Variants in SLC7A11 observed in about 807,000 individuals in gnomAD.
SLC7A11 encodes the protein cystine/glutamate transporter.
SLC7A11 carries 35 observed loss-of-function variants against 54.5 expected under a neutral mutation model. The ratio of observed to expected loss-of-function variants is 0.64; its 90% CI spans 0.49 to 0.85. The LOEUF (loss-of-function observed/expected upper bound fraction) is 0.85. SLC7A11 is among the 40% of genes least tolerant of loss of function. The pLI is 0.00. For missense variants in SLC7A11, 583 were observed against 618.1 expected (o/e 0.94, Z 0.60); for synonymous variants, 230 against 225.2 (o/e 1.02, Z -0.19).
intron 6 of SLC7A11, among the ~76,000 whole-genome samples, chr4:138,193,216 A>G (rs1180781179): frequency 6.6e-6 from 1 of 152,186 alleles, no homozygotes; most frequent in African/African-American, 2.4e-5. Context: ...GGCAAGTGCA[A>G]CTAATATTGA....
intron 9 of SLC7A11, among the ~76,000 whole-genome samples, chr4:138,181,314 T>C (rs1433320793): frequency 6.6e-6 from 1 of 152,012 alleles, no homozygotes; most frequent in Non-Finnish European, 1.5e-5. Context: ...TGACCTTTTT[T>C]CCTCCACATT....
Position 138,171,231 on chromosome 4 carries a change from AT to A in SLC7A11, c.*724del, listed in dbSNP as rs894040838. On this transcript the variant is annotated 3_prime_UTR_variant, in exon 12 of 12. Transcript: ENST00000280612. The stretch of plus-strand genomic sequence containing the variant: ...GATCAAACTGATGTGAAAAAAAAAA[AT>A]GACAGATAACTAAAACTTCCTGATA... 6.6e-6 allele frequency: 1 copy of A among 152,084 alleles called. No individual in the cohort carries two copies. Among genetic ancestry groups the A allele is most frequent in the Non-Finnish European group, 1.5e-5 (1 of 68,020 alleles). 9.4% of individuals were successfully genotyped at this position (152,084 alleles called of 1,614,324 possible). A position where few individuals can be genotyped will look rare whatever the true frequency, so the allele number is the denominator to read the frequency against.
chr4:138,172,420 C>G (rs1736449215), intron 11 of SLC7A11, among the ~76,000 whole-genome samples: 1 of 152,124 alleles, frequency 6.6e-6, no homozygotes, highest in South Asian at 2.1e-4. Context: ...GGAGGAGAAT[C>G]AGAATGTAAT....
At chr4:138,223,148 A>C in intron 4 of SLC7A11, 51 bp downstream of exon 4, 1 of 1,558,930 alleles carries the variant, frequency 6.4e-7, no homozygotes. Flanking sequence ...GTGTTAAAAA[A>C]GACCAAAAGC....
rs1424945107 is a variant in SLC7A11 at position 138,242,049 on chromosome 4, C to T, written c.21G>A (p.Val7=). 5.6e-6 allele frequency: 9 copies of T among 1,613,848 alleles called. No homozygotes were observed. The African/African-American group carries it at 6.7e-5, about 12-fold the overall frequency. The change falls in exon 1 of 12, where the codon GTG becomes GTA. Residue 7 remains valine, a synonymous_variant. Coordinates refer to ENST00000280612, the MANE Select transcript of SLC7A11 (RefSeq NM_014331.4). The stretch of plus-strand genomic sequence containing the variant: ...GGTAACCTCCTTTGGAGATGGTGGA[C>T]ACAACAGGCTTTCTGACCATAGTAG... MVRKPV[V]STISKGGYLQ... is the part of the protein sequence containing the mutation.
chr4:138,228,513 C>T (rs1560738461), intron 3 of SLC7A11, among the ~76,000 whole-genome samples: 1 of 151,944 alleles, frequency 6.6e-6, no homozygotes, highest in Admixed American at 6.6e-5. Context: ...AATCCCAGCA[C>T]TTTGCGAGGC....
rs539878831 is a variant in SLC7A11 at position 138,171,975 on chromosome 4, G to A, written c.1487C>T (p.Pro496Leu). Residue 496 changes from proline to leucine, a missense_variant, in exon 12 of 12, where the codon CCA (proline) becomes CTA (leucine). Physicochemically the swap from Pro to Leu is moderately conservative, Grantham distance 98 (BLOSUM62 -3). Transcript: ENST00000280612. ...RTLQIILEVV[P>L]EEDKL ...ATTAGTTCATAACTTATCTTCTTCTGGTACAACTTCCAGTATTATTTGTAA... is the reference window on the plus strand; with the variant it reads ...ATTAGTTCATAACTTATCTTCTTCTAGTACAACTTCCAGTATTATTTGTAA... 10 of 1,594,254 alleles carry A rather than the reference G, an allele frequency of 6.3e-6. No individual in the cohort carries two copies. The South Asian group carries it at 1.2e-4, about 18-fold the overall frequency.
At chr4:138,225,844 T>C (rs916250661) in intron 3 of SLC7A11, among the ~76,000 whole-genome samples, 2 of 151,364 alleles carry the variant, frequency 1.3e-5, no homozygotes, top group African/African-American at 4.9e-5. Context: ...AGAACTGTTA[T>C]ATAGAGAGAA....
At chr4:138,230,348 C>T (rs1286182151) in intron 3 of SLC7A11, among the ~76,000 whole-genome samples, 3 of 151,268 alleles carry the variant, frequency 2.0e-5, no homozygotes, top group Admixed American at 6.6e-5. Flanking sequence ...GTACACCAAA[C>T]CCCCATGACA....
In SLC7A11 at chr4:138,167,335, T is replaced by G. The variant is rs1319315789; in HGVS notation, c.*4621A>C. 6.6e-6 allele frequency: 1 copy of G among 150,886 alleles called. No individual in the cohort carries two copies. Among genetic ancestry groups the G allele is most frequent in the African/African-American group, 2.4e-5 (1 of 41,024 alleles). The allele number at this position is 150,886 out of a possible 1,614,324, so 9.3% of individuals were successfully genotyped here. The stretch of plus-strand genomic sequence containing the variant: ...CCCGGCTAATTTTTATATTTTTAGT[T>G]GAGACAGGGTTTCACCATGTTGGCC... On this transcript the variant is annotated 3_prime_UTR_variant, in exon 12 of 12. Coordinates refer to ENST00000280612, the MANE Select transcript of SLC7A11 (RefSeq NM_014331.4).
intron 6 of SLC7A11, among the ~76,000 whole-genome samples, chr4:138,211,832 A>T (rs1737557053): frequency 6.6e-6 from 1 of 151,954 alleles, no homozygotes; most frequent in Admixed American, 6.6e-5. Flanking sequence ...GCTAAAAAAA[A>T]GTTGACCCTA....
At chr4:138,192,990 T>A (rs187967405) in intron 6 of SLC7A11, among the ~76,000 whole-genome samples, 8 of 152,278 alleles carry the variant, frequency 5.3e-5, no homozygotes, top group Non-Finnish European at 1.2e-4. Context: ...TGTTTTGGCA[T>A]GGTAAATGGG....
At chr4:138,233,188 C>CT (rs34001412) in intron 2 of SLC7A11, among the ~76,000 whole-genome samples, 68,072 of 142,392 alleles carry the variant, frequency 0.48, 16,836 homozygotes, top group East Asian at 0.86. Flanking sequence ...TATCTAATTT[C>CT]TTTTTTTTTT....
At chr4:138,199,382 A>G (rs1404682127) in intron 6 of SLC7A11, among the ~76,000 whole-genome samples, 2 of 152,152 alleles carry the variant, frequency 1.3e-5, no homozygotes, top group African/African-American at 4.8e-5. Flanking sequence ...CCACAATCAT[A>G]AAGTTTTACT....
chr4:138,237,146 T>C lies in SLC7A11; in HGVS notation c.278-695A>G, dbSNP rs1029406031. ...GACTACAGGCGCCCGCCACCACGCC[T>C]GGCTAATTTTTTTTGTATTTTTAGT... On this transcript the variant is annotated intron_variant, in intron 1 of 11. Coordinates refer to ENST00000280612, the MANE Select transcript of SLC7A11 (RefSeq NM_014331.4). Among the ~76,000 whole-genome samples, 17 of 151,526 alleles carry C rather than the reference T, an allele frequency of 1.1e-4. No individual in the cohort carries two copies. The East Asian group carries it at 2.8e-3, about 25-fold the overall frequency.
At chr4:138,186,188 C>T (rs1736871525) in intron 6 of SLC7A11, among the ~76,000 whole-genome samples, 1 of 152,168 alleles carries the variant, frequency 6.6e-6, no homozygotes, top group Non-Finnish European at 1.5e-5. Flanking sequence ...TCTTCAGACT[C>T]TCTCCAGTTC....
intron 6 of SLC7A11, among the ~76,000 whole-genome samples, chr4:138,189,828 A>G (rs1736965903): frequency 6.6e-6 from 1 of 152,152 alleles, no homozygotes; most frequent in South Asian, 2.1e-4. Context: ...GATCCTTGCT[A>G]TGAAAATGAA....
Position 138,237,893 on chromosome 4 carries a change from A to G in SLC7A11, c.278-1442T>C, listed in dbSNP as rs545379181. Among the ~76,000 whole-genome samples, 4 of 149,222 alleles carry G rather than the reference A, an allele frequency of 2.7e-5. No individual in the cohort carries two copies. The East Asian group carries it at 6.0e-4, about 22-fold the overall frequency. ...CAGCCTCTCAAGTAGTTGGGATTAG[A>G]GGTGCCTGCCAGCACGCCTGGCTAA... On this transcript the variant is annotated intron_variant, in intron 1 of 11. Transcript: ENST00000280612.
chr4:138,175,529 TTG>T (rs1378341219), intron 11 of SLC7A11: 1 of 152,162 alleles, frequency 6.6e-6, no homozygotes, highest in Non-Finnish European at 1.5e-5. Context: ...CGTGAGAAGC[TTG>T]TGTTTCTATA....
Sources: gnomAD v4.1 joint callset for allele counts (sites outside exome capture counted in the v4.1 genomes callset) on GRCh38, gnomAD v4.1.1 for gene constraint, MANE v1.5 for transcripts, NCBI Gene and HGNC (gene_info 2026-07-23, HGNC 2026-07-21) for gene names.